PLCH2: variants seen among roughly 807,000 people sequenced by gnomAD.
PLCH2 encodes the protein 1-phosphatidylinositol 4,5-bisphosphate phosphodiesterase eta-2.
A neutral mutation model predicts 134.7 loss-of-function variants in PLCH2; 98 were observed. That is an observed-to-expected ratio of 0.73 (90% CI 0.62 to 0.86). The LOEUF (loss-of-function observed/expected upper bound fraction) is 0.86. Among genes scored for constraint, PLCH2 ranks in the 40% least tolerant of loss-of-function variants. The probability of loss-of-function intolerance (pLI) is 0.00; values close to 1 mark genes in which losing one functional copy is unlikely to be tolerated. For synonymous variants in PLCH2, 974 were observed against 827.5 expected (o/e 1.18, Z -3.04); for missense variants, 1,994 against 1,986.6 (o/e 1.00, Z -0.07).
chr1:2,474,150 G>A (rs1179524520), upstream of PLCH2, among the ~76,000 whole-genome samples: 3 of 152,088 alleles, frequency 2.0e-5, no homozygotes, highest in Non-Finnish European at 4.4e-5. Flanking sequence ...CATGGGGGTG[G>A]GGCAGCCCCC....
chr1:2,495,588 C>A lies in PLCH2; in HGVS notation c.1835+18C>A. ...AGCCGAGGGTAGGTGCCCTGCCCCA[C>A]GGGGAGGCCCCGCACACTCCTGGGA... On this transcript the variant is annotated intron_variant, in intron 13 of 21. Transcript: ENST00000378486. The A allele has an allele frequency of 6.6e-7, 1 of 1,521,410 alleles. No homozygotes were observed. Among genetic ancestry groups the A allele is most frequent in the Admixed American group, 2.0e-5 (1 of 49,072 alleles). 94.2% of individuals were successfully genotyped at this position (1,521,410 alleles called of 1,614,324 possible).
At chr1:2,499,252 G>GC (rs770444372) in intron 19 of PLCH2, 22 bp downstream of exon 19, 3 of 1,611,554 alleles carry the variant, frequency 1.9e-6, no homozygotes, top group Non-Finnish European at 2.5e-6. Context: ...TGGACACGGT[G>GC]CCCCCCACAC....
intron 2 of PLCH2, among the ~76,000 whole-genome samples, chr1:2,434,970 C>T (rs1432766543): frequency 6.8e-6 from 1 of 148,084 alleles, no homozygotes; most frequent in Non-Finnish European, 1.5e-5. Flanking sequence ...CCAGAGCTGG[C>T]TTCTCAGGGG....
At position 2,504,360 on chromosome 1, in the gene PLCH2, G is replaced by A. The variant is rs773108922; in HGVS notation, c.3398G>A (p.Arg1133Gln). The change falls in exon 22 of 22, where the codon CGG becomes CAG. Residue 1133 changes from arginine (R) to glutamine (Q), a missense_variant. Around this residue, in one of 2 missense-constraint regions of PLCH2, gnomAD observed 900 missense variants for 752.3 expected, o/e 1.20. Coordinates refer to ENST00000378486, the MANE Select transcript of PLCH2 (RefSeq NM_014638.4). The part of the protein sequence containing the change: ...DATGSDPLWQ[R>Q]LEPCGHRDSV... ...ACGGGCAGTGACCCGCTGTGGCAGC[G>A]GCTGGAGCCATGTGGCCACCGAGAC... 11 of 1,610,474 alleles carry A rather than the reference G, an allele frequency of 6.8e-6. No homozygotes were observed. The highest frequency in any genetic ancestry group is 3.3e-5 in the Admixed American group (2 of 59,976).
chr1:2,504,838 A>G lies in PLCH2; in HGVS notation c.3876A>G (p.Pro1292=), dbSNP rs766621480. ...GAGGGACACGGCGGGTGTCGGGGCC[A>G]GGGGTGAGACGGGACACCCTGACAG... ...LPGGTRRVSG[P]GVRRDTLTEQ... is the part of the protein sequence containing the mutation. The change falls in exon 22 of 22, where the codon CCA becomes CCG. Residue 1292 remains proline, a synonymous_variant. Transcript: ENST00000378486. 16 of 1,607,012 alleles carry G rather than the reference A, an allele frequency of 1.0e-5. No homozygotes were observed. The highest frequency in any genetic ancestry group is 1.4e-5 in the Non-Finnish European group (16 of 1,177,518).
At chr1:2,453,515 C>T (rs527769763) in intron 2 of PLCH2, among the ~76,000 whole-genome samples, 10 of 152,278 alleles carry the variant, frequency 6.6e-5, no homozygotes, top group South Asian at 2.1e-4. Context: ...GGCTGAGACA[C>T]GGGGCTCACA....
intron 21 of PLCH2, chr1:2,503,635 G>T: frequency 2.9e-6 from 2 of 696,942 alleles, no homozygotes; most frequent in South Asian, 3.0e-5. Flanking sequence ...TGAGAGCGGC[G>T]AGTGACAGGT....
intron 20 of PLCH2, chr1:2,501,605 G>A (rs147319326): frequency 0.029 from 4,445 of 155,666 alleles, 96 homozygotes; most frequent in Non-Finnish European, 0.042. Flanking sequence ...GACACGGGCC[G>A]GGCAAGTGGG....
rs891043188 is a variant in PLCH2, at chr1:2,504,356, C to T, written c.3394C>T (p.Gln1132Ter). 3.7e-6 allele frequency: 6 copies of T among 1,610,234 alleles called. No homozygotes were observed. The African/African-American group carries it at 6.7e-5, about 18-fold the overall frequency. The change falls in exon 22 of 22, where the codon CAG becomes TAG. Residue 1132 changes from glutamine (Q) to a stop codon, truncating the protein, a stop_gained. Transcript: ENST00000378486. LOFTEE classifies it high-confidence loss of function. ...SDATGSDPLW[Q>*]RLEPCGHRDS... ...TGCCACGGGCAGTGACCCGCTGTGG[C>T]AGCGGCTGGAGCCATGTGGCCACCG...
At position 2,503,119 on chromosome 1, in the gene PLCH2, G is replaced by A. The variant is rs775989066; in HGVS notation, c.2959+710G>A. The A allele has an allele frequency of 5.9e-6, 4 of 678,586 alleles. No individual in the cohort carries two copies. The South Asian group carries it at 6.3e-5, about 11-fold the overall frequency. The allele number at this position is 678,586 out of a possible 1,614,324, so 42.0% of individuals were successfully genotyped here. A position where few individuals can be genotyped will look rare whatever the true frequency, so the allele number is the denominator to read the frequency against. On this transcript the variant is annotated intron_variant, in intron 21 of 21. Transcript: ENST00000378486. ...CCTCCTGTCTGAGCTTGAGGCCCTG[G>A]GACTTGGGTGGAGCTGGTTTGAGGC...
Position 2,498,679 on chromosome 1 carries a change from T to TGG in PLCH2, c.2349+34_2349+35dup. The TGG allele has an allele frequency of 3.2e-6, 1 of 311,834 alleles. No individual in the cohort carries two copies. 19.3% of individuals were successfully genotyped at this position (311,834 alleles called of 1,614,324 possible). ...GCCAGCCCCACACAGGCGGGAGGGG[T>TGG]GGGAGTTGGGGGCGGGCCGGGCATC... On this transcript the variant is annotated intron_variant, in intron 17 of 21. Coordinates refer to ENST00000378486, the MANE Select transcript of PLCH2 (RefSeq NM_014638.4). This position sits in a 1 kb window ranked among gnomAD's most constrained non-coding sequence, Gnocchi z 5.4.
chr1:2,447,704 G>C (rs185439018), intron 2 of PLCH2, among the ~76,000 whole-genome samples: 2 of 152,340 alleles, frequency 1.3e-5, no homozygotes, highest in Non-Finnish European at 2.9e-5. Flanking sequence ...CCTGACTGGA[G>C]CTTCAGCGGT....
intron 4 of PLCH2, among the ~76,000 whole-genome samples, chr1:2,482,579 G>A (rs1642033040): frequency 2.0e-5 from 3 of 152,324 alleles, no homozygotes; most frequent in Admixed American, 2.0e-4. Context: ...CTGTCCCTGG[G>A]GTCCTGACCC....
At chr1:2,484,686 C>T in intron 5 of PLCH2, 68 bp downstream of exon 5, 1 of 1,547,898 alleles carries the variant, frequency 6.5e-7, no homozygotes. Flanking sequence ...GAGCTTTGAG[C>T]TTCAGTCAGG....
chr1:2,489,947 G>C, intron 10 of PLCH2, 80 bp downstream of exon 10: 1 of 1,063,830 alleles, frequency 9.4e-7, no homozygotes, highest in Admixed American at 1.7e-5. Flanking sequence ...CTGTTGGGGC[G>C]AGTTAGAAAG....
chr1:2,452,299 C>G (rs1439923484), intron 2 of PLCH2, among the ~76,000 whole-genome samples: 1 of 152,212 alleles, frequency 6.6e-6, no homozygotes. Flanking sequence ...CGCCCCCCAT[C>G]CCCCGGCCCT....
intron 2 of PLCH2, among the ~76,000 whole-genome samples, chr1:2,437,551 A>G (rs1639485643): frequency 1.3e-5 from 2 of 151,734 alleles, no homozygotes; most frequent in Non-Finnish European, 2.9e-5. Flanking sequence ...CTCCTGTCCC[A>G]TGTCCCACTC....
At chr1:2,490,536 A>G (rs998109404) in intron 10 of PLCH2, among the ~76,000 whole-genome samples, 5 of 152,104 alleles carry the variant, frequency 3.3e-5, no homozygotes, top group Non-Finnish European at 7.4e-5. Context: ...TGAGGCAGGG[A>G]AGGCCGTTGC....
intron 5 of PLCH2, among the ~76,000 whole-genome samples, chr1:2,485,138 C>T (rs544565742): frequency 6.6e-6 from 1 of 152,332 alleles, no homozygotes; most frequent in Non-Finnish European, 1.5e-5. Flanking sequence ...TCAGATGCCT[C>T]CTGGAATCCA....
Sources: allele counts gnomAD v4.1 joint callset (sites outside exome capture counted in the v4.1 genomes callset), GRCh38; gene constraint gnomAD v4.1.1; regional missense constraint gnomAD v4.1.1; non-coding constraint Gnocchi (gnomAD v3.1); transcripts MANE v1.5; gene names NCBI Gene and HGNC (gene_info 2026-07-23, HGNC 2026-07-21).